ASXL3: variants seen among roughly 807,000 people sequenced by gnomAD.
ASXL3 encodes the protein putative Polycomb group protein ASXL3.
In ASXL3, 34 loss-of-function variants were observed where a neutral mutation model predicts 170.6. The observed-to-expected ratio is 0.20, with a 90% CI of 0.15 to 0.27. The LOEUF is 0.27. Among genes scored for constraint, ASXL3 ranks in the 10% least tolerant of loss-of-function variants. The pLI, the probability that ASXL3 is intolerant of heterozygous loss-of-function variation, is 1.00. For synonymous variants in ASXL3, 1,002 were observed against 989.1 expected, an observed-to-expected ratio of 1.01 and a Z score of -0.24; for missense variants, 2,592 against 2,695.3, an observed-to-expected ratio of 0.96 and a Z score of 0.85.
At chr18:33,681,103 T>C (rs181098641) in intron 7 of ASXL3, among the ~76,000 whole-genome samples, 1 of 152,240 alleles carries the variant, frequency 6.6e-6, no homozygotes, top group East Asian at 1.9e-4. Context: ...CATATCTCTC[T>C]TGTTCCCAGA....
At chr18:33,670,012 A>AT (rs1233882766) in intron 5 of ASXL3, among the ~76,000 whole-genome samples, 2 of 151,954 alleles carry the variant, frequency 1.3e-5, no homozygotes, top group South Asian at 2.1e-4. Flanking sequence ...TCTTATATTC[A>AT]TTTTTTTCCT....
intron 3 of ASXL3, 138 bp downstream of exon 3, chr18:33,645,140 A>T: frequency 2.0e-6 from 1 of 487,816 alleles, no homozygotes; most frequent in Non-Finnish European, 3.5e-6. Context: ...CTTAGAAATG[A>T]TTTCATATTA....
intron 5 of ASXL3, among the ~76,000 whole-genome samples, chr18:33,663,084 G>T (rs1419017107): frequency 6.6e-6 from 1 of 152,148 alleles, no homozygotes; most frequent in Non-Finnish European, 1.5e-5. Context: ...TACTGCATTT[G>T]AAATGTTTTA....
At chr18:33,736,589 C>T (rs925943200) in intron 10 of ASXL3, among the ~76,000 whole-genome samples, 2 of 152,088 alleles carry the variant, frequency 1.3e-5, no homozygotes, top group African/African-American at 2.4e-5. Context: ...AACATTCATA[C>T]TAGTGTGCAG....
chr18:33,613,205 T>C (rs2065364477), intron 2 of ASXL3, among the ~76,000 whole-genome samples: 1 of 152,104 alleles, frequency 6.6e-6, no homozygotes, highest in African/African-American at 2.4e-5. Flanking sequence ...TATATCATCA[T>C]GGCCAGATGG....
chr18:33,592,332 A>G (rs998977713), intron 1 of ASXL3, among the ~76,000 whole-genome samples: 7 of 152,258 alleles, frequency 4.6e-5, no homozygotes, highest in Non-Finnish European at 8.8e-5. Flanking sequence ...TGTCTTTAAT[A>G]CATGAGCAAG....
At chr18:33,650,564 G>C (rs989329714) in intron 4 of ASXL3, among the ~76,000 whole-genome samples, 2 of 152,092 alleles carry the variant, frequency 1.3e-5, no homozygotes, top group African/African-American at 2.4e-5. Context: ...AGGAAACCTT[G>C]GGAGTTTAGT....
chr18:33,715,260 G>T (rs1255806211), intron 8 of ASXL3, among the ~76,000 whole-genome samples: 1 of 152,122 alleles, frequency 6.6e-6, no homozygotes, highest in Non-Finnish European at 1.5e-5. Flanking sequence ...CAAATTCCCT[G>T]TTCCTTCGAG....
Position 33,744,141 on chromosome 18 carries a change from G to A in ASXL3, c.4293G>A (p.Lys1431=), listed in dbSNP as rs745702277. The A allele has an allele frequency of 3.7e-6, 6 of 1,613,996 alleles. No homozygotes were observed. The highest frequency in any genetic ancestry group is 5.1e-6 in the Non-Finnish European group (6 of 1,179,892). The change falls in exon 12 of 12, where the codon AAG becomes AAA. Residue 1431 remains lysine, a synonymous_variant. Coordinates refer to ENST00000269197, the MANE Select transcript of ASXL3 (RefSeq NM_030632.3). ...TAAACTCTTATGATAGTCCTCCCAA[G>A]TTAAGTGCTGAAAGCTTGGACAAAA... is the stretch of plus-strand genomic sequence containing the variant. ...LTINSYDSPP[K]LSAESLDKNS...
At chr18:33,679,234 C>T (rs913708044) in intron 7 of ASXL3, among the ~76,000 whole-genome samples, 2 of 151,846 alleles carry the variant, frequency 1.3e-5, no homozygotes, top group Non-Finnish European at 2.9e-5. Context: ...AACATTTTTG[C>T]CTCTAGGTTT....
At chr18:33,716,650 G>A (rs16964880) in intron 8 of ASXL3, among the ~76,000 whole-genome samples, 5,072 of 152,156 alleles carry the variant, frequency 0.033, 282 homozygotes, top group African/African-American at 0.12. Context: ...AAATTTAAAG[G>A]TTGGTTTGCA....
At chr18:33,717,248 C>T (rs1225480719) in intron 8 of ASXL3, among the ~76,000 whole-genome samples, 1 of 152,104 alleles carries the variant, frequency 6.6e-6, no homozygotes, top group Non-Finnish European at 1.5e-5. Context: ...TTAAACTCTG[C>T]AGTTGTGATA....
intron 2 of ASXL3, among the ~76,000 whole-genome samples, chr18:33,641,193 C>T (rs760043591): frequency 1.3e-5 from 2 of 152,054 alleles, no homozygotes; most frequent in African/African-American, 2.4e-5. Context: ...GTGTGTATTC[C>T]GTCAGCAATT....
chr18:33,622,184 C>G (rs2065525247), intron 2 of ASXL3, among the ~76,000 whole-genome samples: 1 of 152,030 alleles, frequency 6.6e-6, no homozygotes, highest in Admixed American at 6.6e-5. Context: ...GATTATTTTA[C>G]TGATTAAAAG....
At chr18:33,646,969 G>A (rs2065926142) in intron 4 of ASXL3, among the ~76,000 whole-genome samples, 1 of 150,194 alleles carries the variant, frequency 6.7e-6, no homozygotes, top group South Asian at 2.1e-4. Flanking sequence ...TCCTTTCGGT[G>A]TATGTAATTC....
At position 33,740,107 on chromosome 18, in the gene ASXL3, A is replaced by G. The variant is rs1432270755; in HGVS notation, c.2703A>G (p.Lys901=). 2 of 1,613,986 alleles carry G rather than the reference A, an allele frequency of 1.2e-6. No individual in the cohort carries two copies. Among genetic ancestry groups the G allele is most frequent in the Non-Finnish European group, 8.5e-7 (1 of 1,179,878 alleles). The part of the protein sequence containing the change: ...DNKGNELPSA[K]LQDKQYISSV... ...AGGGAAATGAGCTTCCATCTGCTAAATTACAGGACAAGCAATATATCTCAT... is the reference window on the plus strand; with the variant it reads ...AGGGAAATGAGCTTCCATCTGCTAAGTTACAGGACAAGCAATATATCTCAT... The change falls in exon 11 of 12, where the codon AAA becomes AAG. Residue 901 remains lysine, a synonymous_variant. Coordinates refer to ENST00000269197, the MANE Select transcript of ASXL3 (RefSeq NM_030632.3).
At chr18:33,640,538 A>G (rs1171059523) in intron 2 of ASXL3, among the ~76,000 whole-genome samples, 1 of 152,122 alleles carries the variant, frequency 6.6e-6, no homozygotes, top group Non-Finnish European at 1.5e-5. Flanking sequence ...CTAAGTGTAC[A>G]TTATTAATGT....
chr18:33,580,143 C>G (rs1338086050), intron 1 of ASXL3, among the ~76,000 whole-genome samples: 2 of 152,192 alleles, frequency 1.3e-5, no homozygotes, highest in Non-Finnish European at 2.9e-5. Flanking sequence ...TATTTCTCCA[C>G]TTATCTGTGA....
intron 7 of ASXL3, 118 bp from the exon 8 acceptor site, chr18:33,683,287 G>A (rs2066542905): frequency 1.1e-6 from 1 of 872,856 alleles, no homozygotes. Flanking sequence ...AGGGGTAGAA[G>A]TAAACATAAA....
Sources: allele counts gnomAD v4.1 joint callset (sites outside exome capture counted in the v4.1 genomes callset), GRCh38; gene constraint gnomAD v4.1.1; transcripts MANE v1.5; gene names NCBI Gene and HGNC (gene_info 2026-07-23, HGNC 2026-07-21).